The following FSTL4 variants were observed in gnomAD, a reference collection of about 807,000 sequenced individuals.
FSTL4 encodes the protein follistatin-related protein 4.
In FSTL4, 28 loss-of-function variants were observed where a neutral mutation model predicts 78.2. That is an observed-to-expected ratio of 0.36 (90% CI 0.27 to 0.49). FSTL4 has a LOEUF of 0.49. Among genes scored for constraint, FSTL4 ranks in the 20% least tolerant of loss-of-function variants. FSTL4 has a pLI of 0.98. For missense variants in FSTL4, 922 were observed against 1,084.9 expected (o/e 0.85, Z 2.11); for synonymous variants, 422 against 440.5 (o/e 0.96, Z 0.53).
At chr5:133,208,295 C>T (rs1750590668) in intron 14 of FSTL4, 2 of 152,158 alleles carry the variant, frequency 1.3e-5, no homozygotes, top group Admixed American at 1.3e-4. Flanking sequence ...GAATAGAACC[C>T]TTGGAGCGTG....
intron 7 of FSTL4, among the ~76,000 whole-genome samples, chr5:133,234,429 G>C (rs1396551288): frequency 1.3e-5 from 2 of 152,170 alleles, no homozygotes; most frequent in Admixed American, 6.5e-5. Flanking sequence ...CTGCATCAGA[G>C]TCCCCTGATG....
intron 3 of FSTL4, among the ~76,000 whole-genome samples, chr5:133,444,495 C>A (rs1757220970): frequency 6.6e-6 from 1 of 152,212 alleles, no homozygotes; most frequent in Non-Finnish European, 1.5e-5. Context: ...CTGTTCCATG[C>A]AGGGTGATCA....
chr5:133,225,691 A>G lies in FSTL4; in HGVS notation c.1144T>C (p.Ser382Pro). The change falls in exon 9 of 16, where the codon TCA (serine) becomes CCA (proline). Residue 382 changes from serine (S) to proline (P), a missense_variant. Transcript: ENST00000265342. This position sits in a 1 kb window ranked among gnomAD's most constrained non-coding sequence, Gnocchi z 4.6. ...GAGAGCTGTTTGGACATCTGAGTTG[A>G]GACATCCACGCCGTTTTTCAGCCAA... ...ITWLKNGVDV[S>P]TQMSKQLSLL... 2 of 1,610,404 alleles carry G rather than the reference A, an allele frequency of 1.2e-6. No individual in the cohort carries two copies. The highest frequency in any genetic ancestry group is 3.4e-5 in the Admixed American group (2 of 59,358).
At chr5:133,628,544 G>A in the FSTL4 span, among the ~76,000 whole-genome samples, 1 of 151,978 alleles carries the variant, frequency 6.6e-6, no homozygotes, top group South Asian at 2.1e-4. Flanking sequence ...TTTTTTAGTA[G>A]AGACAGAGTT....
rs541739051 is a variant in FSTL4, at chr5:133,224,719, C to T, written c.1312+431G>A. On this transcript the variant is annotated intron_variant, in intron 10 of 15. Coordinates refer to ENST00000265342, the MANE Select transcript of FSTL4 (RefSeq NM_015082.2). ...GGGAGCAGTGGTTATGAGGAGAGCA[C>T]GCTTAGCACACCGATGGGCTGGACC... Among the ~76,000 whole-genome samples the T allele has an allele frequency of 7.2e-5, 11 of 152,282 alleles. No homozygotes were observed. The East Asian group carries it at 9.6e-4, about 13-fold the overall frequency.
chr5:133,634,278 C>T, the FSTL4 span, among the ~76,000 whole-genome samples: 4 of 152,018 alleles, frequency 2.6e-5, no homozygotes, highest in Non-Finnish European at 5.9e-5. Context: ...GGTCACAGGT[C>T]TTTCTGGGAT....
At chr5:133,654,705 G>A in the FSTL4 span, among the ~76,000 whole-genome samples, 1 of 152,192 alleles carries the variant, frequency 6.6e-6, no homozygotes, top group Non-Finnish European at 1.5e-5. Flanking sequence ...TCAGAGCCAT[G>A]GGGATACCAG....
chr5:133,563,738 C>A (rs1358922905), intron 3 of FSTL4, among the ~76,000 whole-genome samples: 2 of 152,152 alleles, frequency 1.3e-5, no homozygotes, highest in Admixed American at 6.5e-5. Context: ...AAAAACAACA[C>A]AATTAATTTT....
chr5:133,696,838 G>A, the FSTL4 span, among the ~76,000 whole-genome samples: 4 of 151,800 alleles, frequency 2.6e-5, no homozygotes, highest in Admixed American at 2.6e-4. Context: ...GTGTAGATAG[G>A]GGTCTGAAAA....
In FSTL4 at chr5:133,225,737, G is replaced by A. The variant is rs1163335291; in HGVS notation, c.1098C>T (p.Gly366=). 6.2e-7 allele frequency: 1 copy of A among 1,612,330 alleles called. No homozygotes were observed. The highest frequency in any genetic ancestry group is 1.7e-4 in the Middle Eastern group (1 of 6,054). ...GCCAAGTGATTCTGGGCATGGGAAT[G>A]CCCTCAGCATGGCATCTTAGGCTGG... The part of the protein sequence containing the change: ...VAASLRCHAE[G]IPMPRITWLK... Residue 366 remains glycine (G), a synonymous_variant, in exon 9 of 16, where the codon GGC becomes GGT. Transcript: ENST00000265342. The surrounding 1 kb of genome is among the most constrained non-coding windows in gnomAD (Gnocchi z 4.6).
chr5:133,682,739 G>A, the FSTL4 span, among the ~76,000 whole-genome samples: 8 of 152,286 alleles, frequency 5.3e-5, no homozygotes, highest in African/African-American at 1.9e-4. Context: ...GGGTGGGGTG[G>A]CCTCCTGCAG....
At chr5:133,277,039 C>G (rs140467742) in intron 6 of FSTL4, among the ~76,000 whole-genome samples, 1 of 152,278 alleles carries the variant, frequency 6.6e-6, no homozygotes, top group South Asian at 2.1e-4. Context: ...AGGCTGGGCG[C>G]GGTGGCTCAC....
the FSTL4 span, among the ~76,000 whole-genome samples, chr5:133,749,515 T>G: frequency 6.6e-6 from 1 of 152,230 alleles, no homozygotes; most frequent in Non-Finnish European, 1.5e-5. Flanking sequence ...GCACAACCTG[T>G]TCAAGAGTCC....
At chr5:133,690,038 G>A in the FSTL4 span, among the ~76,000 whole-genome samples, 3 of 151,716 alleles carry the variant, frequency 2.0e-5, no homozygotes, top group South Asian at 2.1e-4. Context: ...TCCAGCCTGG[G>A]CAACAAGAGC....
chr5:133,583,509 C>T, intron 2 of FSTL4: 1 of 184,938 alleles, frequency 5.4e-6, no homozygotes. Flanking sequence ...CAGGGAGTTC[C>T]CTTTCCGAGT....
the FSTL4 span, among the ~76,000 whole-genome samples, chr5:133,664,395 C>A: frequency 6.6e-6 from 1 of 152,172 alleles, no homozygotes; most frequent in South Asian, 2.1e-4. Context: ...CGAATCTCAC[C>A]CCACCACAGA....
At chr5:133,569,303 G>A (rs959119474) in intron 2 of FSTL4, among the ~76,000 whole-genome samples, 15 of 152,122 alleles carry the variant, frequency 9.9e-5, no homozygotes, top group Non-Finnish European at 1.6e-4. Flanking sequence ...CATGTTAGGC[G>A]TTGTGTTCAT....
chr5:133,609,561 C>G (rs1198429967), intron 1 of FSTL4, among the ~76,000 whole-genome samples: 1 of 152,184 alleles, frequency 6.6e-6, no homozygotes, highest in Non-Finnish European at 1.5e-5. Context: ...CCCTAAAACA[C>G]CAACCCAGGG....
chr5:133,573,304 T>C (rs978696981), intron 2 of FSTL4, among the ~76,000 whole-genome samples: 7 of 151,872 alleles, frequency 4.6e-5, no homozygotes, highest in South Asian at 2.1e-4. Context: ...CACACAAGGA[T>C]TGGCATAATA....
Sources: allele counts gnomAD v4.1 joint callset (sites outside exome capture counted in the v4.1 genomes callset), GRCh38; gene constraint gnomAD v4.1.1; non-coding constraint Gnocchi (gnomAD v3.1); transcripts MANE v1.5; gene names NCBI Gene and HGNC (gene_info 2026-07-23, HGNC 2026-07-21).